ZBTB7C: variants seen among roughly 807,000 people sequenced by gnomAD.
ZBTB7C encodes the protein zinc finger and BTB domain containing 7C, also known as zinc finger and BTB domain-containing protein 7C.
Under a neutral mutation model 25.7 loss-of-function variants are expected in ZBTB7C, and 8 were observed. The observed-to-expected ratio is 0.31, with a 90% CI of 0.18 to 0.56. The LOEUF is 0.56. ZBTB7C is among the 20% of genes least tolerant of loss of function. The pLI is 0.91. For missense variants in ZBTB7C, 824 were observed against 855.2 expected (o/e 0.96, Z 0.46); for synonymous variants, 394 against 369.0 (o/e 1.07, Z -0.78).
At chr18:48,098,258 G>A (rs532407524) in intron 3 of ZBTB7C, among the ~76,000 whole-genome samples, 2 of 152,260 alleles carry the variant, frequency 1.3e-5, no homozygotes, top group Admixed American at 6.5e-5. Flanking sequence ...TGAGGGAGAC[G>A]CCAGCAGCTT....
chr18:48,082,364 T>A (rs2038022970), intron 3 of ZBTB7C, among the ~76,000 whole-genome samples: 1 of 152,138 alleles, frequency 6.6e-6, no homozygotes, highest in African/African-American at 2.4e-5. Context: ...TTGTTAGTCA[T>A]CTTGGGTATT....
intron 1 of ZBTB7C, among the ~76,000 whole-genome samples, chr18:48,367,800 C>T (rs2047281729): frequency 6.6e-6 from 1 of 151,952 alleles, no homozygotes; most frequent in Non-Finnish European, 1.5e-5. Flanking sequence ...AGTAAGGAGA[C>T]TACCCCAACC....
intron 3 of ZBTB7C, among the ~76,000 whole-genome samples, chr18:48,097,879 CTT>C (rs150686674): frequency 1.9e-4 from 28 of 145,372 alleles, no homozygotes; most frequent in Non-Finnish European, 2.1e-4. Flanking sequence ...TTACAAGCAT[CTT>C]TTTTTTTTTT....
chr18:48,377,157 C>T (rs902044222), intron 1 of ZBTB7C, among the ~76,000 whole-genome samples: 6 of 152,182 alleles, frequency 3.9e-5, no homozygotes, highest in Admixed American at 2.0e-4. Flanking sequence ...CCCACTCCAC[C>T]CCCCAACAGA....
At chr18:48,215,045 C>A (rs545480324) in intron 2 of ZBTB7C, among the ~76,000 whole-genome samples, 61 of 152,272 alleles carry the variant, frequency 4.0e-4, no homozygotes, top group African/African-American at 1.5e-3. Flanking sequence ...CACTAGTCCT[C>A]TTTTGAAGTG....
chr18:48,370,424 G>A (rs980680992), intron 1 of ZBTB7C, among the ~76,000 whole-genome samples: 3 of 152,120 alleles, frequency 2.0e-5, no homozygotes, highest in African/African-American at 7.2e-5. Flanking sequence ...GGGAATGAGG[G>A]CAAGAGGGGA....
intron 2 of ZBTB7C, among the ~76,000 whole-genome samples, chr18:48,211,559 A>G (rs2042702633): frequency 6.6e-6 from 1 of 152,224 alleles, no homozygotes; most frequent in Non-Finnish European, 1.5e-5. Flanking sequence ...AGATATGCAG[A>G]TGGTAATTAA....
chr18:48,045,714 G>A (rs568873389), intron 3 of ZBTB7C, among the ~76,000 whole-genome samples: 13 of 152,210 alleles, frequency 8.5e-5, no homozygotes, highest in African/African-American at 1.9e-4. Context: ...TCCAGCCTTC[G>A]GTCTCCTGAT....
chr18:48,136,796 C>T (rs1262925689), intron 3 of ZBTB7C, among the ~76,000 whole-genome samples: 1 of 152,130 alleles, frequency 6.6e-6, no homozygotes, highest in Non-Finnish European at 1.5e-5. Flanking sequence ...GGGAGTTGAA[C>T]GCTTTGCGGA....
At chr18:48,154,064 C>T (rs111870545) in intron 3 of ZBTB7C, among the ~76,000 whole-genome samples, 2 of 152,320 alleles carry the variant, frequency 1.3e-5, no homozygotes, top group Non-Finnish European at 2.9e-5. Flanking sequence ...CAGCTGGATG[C>T]AGAGTCTGAG....
At chr18:48,295,420 C>T (rs189178532) in intron 2 of ZBTB7C, among the ~76,000 whole-genome samples, 26 of 152,198 alleles carry the variant, frequency 1.7e-4, no homozygotes, top group Admixed American at 1.5e-3. Flanking sequence ...GTGGGGTGCT[C>T]CTTCCAGAAT....
At chr18:48,323,352 T>C (rs12967252) in intron 2 of ZBTB7C, among the ~76,000 whole-genome samples, 35,891 of 152,130 alleles carry the variant, frequency 0.24, 5,175 homozygotes, top group East Asian at 0.67. Context: ...GGTTTTCTTA[T>C]ATAATCCTCA....
chr18:48,150,772 C>A (rs2040652486), intron 3 of ZBTB7C: 1 of 152,114 alleles, frequency 6.6e-6, no homozygotes, highest in African/African-American at 2.4e-5. Flanking sequence ...GCAGTGAGTT[C>A]TAGGACAAAT....
intron 1 of ZBTB7C, among the ~76,000 whole-genome samples, chr18:48,362,441 G>T (rs1001518280): frequency 6.6e-6 from 1 of 152,120 alleles, no homozygotes; most frequent in East Asian, 1.9e-4. Flanking sequence ...CCTTATAATG[G>T]GCTGAAGAGA....
At chr18:48,126,372 C>A (rs2039799043) in intron 3 of ZBTB7C, among the ~76,000 whole-genome samples, 1 of 152,160 alleles carries the variant, frequency 6.6e-6, no homozygotes, top group Admixed American at 6.5e-5. Flanking sequence ...CAGCCCTGGG[C>A]ACCACTCTCC....
chr18:48,333,779 G>A (rs764163101), intron 2 of ZBTB7C, among the ~76,000 whole-genome samples: 8 of 152,174 alleles, frequency 5.3e-5, no homozygotes, highest in Non-Finnish European at 1.0e-4. Flanking sequence ...TAGAGAGGCA[G>A]GCAGCAACAC....
chr18:48,202,691 G>A (rs1474407413), intron 2 of ZBTB7C, among the ~76,000 whole-genome samples: 2 of 143,926 alleles, frequency 1.4e-5, no homozygotes, highest in Non-Finnish European at 3.1e-5. Context: ...CCCCACCCCC[G>A]CCGCACGCAG....
intron 2 of ZBTB7C, among the ~76,000 whole-genome samples, chr18:48,255,490 C>T (rs1036587241): frequency 2.0e-5 from 3 of 152,146 alleles, no homozygotes; most frequent in Non-Finnish European, 2.9e-5. Flanking sequence ...AAGTTCCACA[C>T]CACCAAGCTG....
At chr18:48,361,183 CAG>C (rs1470361244) in intron 1 of ZBTB7C, among the ~76,000 whole-genome samples, 8 of 152,104 alleles carry the variant, frequency 5.3e-5, no homozygotes, top group African/African-American at 1.9e-4. Context: ...GCTTGGTGTC[CAG>C]AGAGTCACAG....
Sources: allele counts gnomAD v4.1 joint callset (sites outside exome capture counted in the v4.1 genomes callset), GRCh38; gene constraint gnomAD v4.1.1; transcripts MANE v1.5; gene names NCBI Gene and HGNC (gene_info 2026-07-23, HGNC 2026-07-21).